PDE1A: variants seen among roughly 807,000 people sequenced by gnomAD.
PDE1A encodes phosphodiesterase 1A.
PDE1A carries 35 observed loss-of-function variants against 61.7 expected under a neutral mutation model. That is an observed-to-expected ratio of 0.57 (90% confidence interval 0.43 to 0.75). The LOEUF (loss-of-function observed/expected upper bound fraction) is 0.75, where lower values mean the gene tolerates loss of function less well. Ranked by LOEUF, PDE1A falls within the 30% of genes least tolerant of loss-of-function variation. The pLI, the probability that PDE1A is intolerant of heterozygous loss-of-function variation, is 0.00. For missense variants in PDE1A, 597 were observed against 630.6 expected, an observed-to-expected ratio of 0.95 and a Z score of 0.57; for synonymous variants, 232 against 213.2, an observed-to-expected ratio of 1.09 and a Z score of -0.77.
At chr2:182,623,351 T>C in the PDE1A span, among the ~76,000 whole-genome samples, 1 of 152,154 alleles carries the variant, frequency 6.6e-6, no homozygotes, top group Non-Finnish European at 1.5e-5. Context: ...CTGTGTTCCA[T>C]TTCAGGCACA....
chr2:182,666,039 G>A, the PDE1A span, among the ~76,000 whole-genome samples: 2 of 152,078 alleles, frequency 1.3e-5, no homozygotes, highest in African/African-American at 4.8e-5. Flanking sequence ...ACACAGGGAG[G>A]TGAACAACAT....
the PDE1A span, among the ~76,000 whole-genome samples, chr2:182,695,315 T>C: frequency 1.3e-5 from 2 of 151,872 alleles, no homozygotes; most frequent in Admixed American, 1.3e-4. Context: ...CCAGAAAACA[T>C]CAAGCAGAAA....
the PDE1A span, among the ~76,000 whole-genome samples, chr2:182,611,313 A>G: frequency 6.6e-6 from 1 of 152,214 alleles, no homozygotes; most frequent in Non-Finnish European, 1.5e-5. Flanking sequence ...GGAAAAATGG[A>G]CTTCAAAATA....
chr2:182,166,125 G>A (rs1293875848), downstream of PDE1A, among the ~76,000 whole-genome samples: 6 of 152,128 alleles, frequency 3.9e-5, no homozygotes, highest in Non-Finnish European at 7.4e-5. Flanking sequence ...CTGGCAAGGG[G>A]TAGACTTGTG....
chr2:182,248,824 T>G (rs1691181735), intron 2 of PDE1A, among the ~76,000 whole-genome samples: 1 of 152,224 alleles, frequency 6.6e-6, no homozygotes, highest in Non-Finnish European at 1.5e-5. Flanking sequence ...TTCTCAAGTT[T>G]GAAATGTTCC....
At chr2:182,181,523 G>A (rs1684758936) in intron 13 of PDE1A, among the ~76,000 whole-genome samples, 2 of 152,226 alleles carry the variant, frequency 1.3e-5, no homozygotes, top group African/African-American at 4.8e-5. Flanking sequence ...TCCCAGTCAA[G>A]AGGCGCAAAG....
the PDE1A span, among the ~76,000 whole-genome samples, chr2:182,596,829 A>G: frequency 6.6e-6 from 1 of 152,184 alleles, no homozygotes. Flanking sequence ...AGAAGCAATG[A>G]GGTGTGAAGA....
the PDE1A span, among the ~76,000 whole-genome samples, chr2:182,665,107 G>A: frequency 6.6e-6 from 1 of 151,966 alleles, no homozygotes; most frequent in African/African-American, 2.4e-5. Flanking sequence ...ATAGACAATT[G>A]ATAAAATACT....
At chr2:182,463,901 G>A (rs533684803) in intron 2 of PDE1A, among the ~76,000 whole-genome samples, 83 of 152,232 alleles carry the variant, frequency 5.5e-4, no homozygotes, top group African/African-American at 1.9e-3. Context: ...ACACTTCTAG[G>A]AGCCCATGGT....
intron 1 of PDE1A, among the ~76,000 whole-genome samples, chr2:182,326,200 T>C (rs548375358): frequency 1.6e-4 from 24 of 152,208 alleles, no homozygotes; most frequent in African/African-American, 5.8e-4. Flanking sequence ...GGTGAGAATA[T>C]AAAATGGTGG....
the PDE1A span, among the ~76,000 whole-genome samples, chr2:182,674,828 T>C: frequency 6.6e-6 from 1 of 152,170 alleles, no homozygotes; most frequent in African/African-American, 2.4e-5. Flanking sequence ...ATTTTATTAA[T>C]GTGCATAATA....
intron 1 of PDE1A, among the ~76,000 whole-genome samples, chr2:182,279,287 A>G (rs758837310): frequency 2.6e-5 from 4 of 151,906 alleles, no homozygotes. Context: ...CTAAATTATC[A>G]TGATGTACAG....
the PDE1A span, among the ~76,000 whole-genome samples, chr2:182,567,674 T>C: frequency 1.3e-5 from 2 of 152,190 alleles, no homozygotes; most frequent in Admixed American, 6.5e-5. Flanking sequence ...ATAATATTCA[T>C]TTTGATTTTT....
the PDE1A span, among the ~76,000 whole-genome samples, chr2:182,543,378 C>T: frequency 6.6e-6 from 1 of 152,158 alleles, no homozygotes; most frequent in Non-Finnish European, 1.5e-5. Context: ...TTATAAGCCA[C>T]TACAACTTGC....
At chr2:182,531,196 G>A in the PDE1A span, among the ~76,000 whole-genome samples, 8 of 151,504 alleles carry the variant, frequency 5.3e-5, no homozygotes, top group African/African-American at 1.4e-4. Flanking sequence ...TCAAGTAACC[G>A]ATAGGAAGAC....
At chr2:182,402,227 A>T (rs934482457) in intron 1 of PDE1A, among the ~76,000 whole-genome samples, 5 of 152,216 alleles carry the variant, frequency 3.3e-5, no homozygotes, top group Middle Eastern at 3.2e-3. Context: ...GACAATACTA[A>T]GCAAAAAGAA....
chr2:182,673,838 T>C, the PDE1A span, among the ~76,000 whole-genome samples: 1 of 151,696 alleles, frequency 6.6e-6, no homozygotes, highest in Non-Finnish European at 1.5e-5. Flanking sequence ...TTCTTGCTTA[T>C]ACAAATCAGC....
the PDE1A span, among the ~76,000 whole-genome samples, chr2:182,601,520 T>C: frequency 6.6e-6 from 1 of 152,222 alleles, no homozygotes; most frequent in Admixed American, 6.5e-5. Context: ...ACAGATCTTC[T>C]AGACTTGCCA....
the PDE1A span, among the ~76,000 whole-genome samples, chr2:182,562,500 A>G: frequency 1.3e-5 from 2 of 151,560 alleles, no homozygotes; most frequent in Admixed American, 6.6e-5. Flanking sequence ...CATCAAGGAT[A>G]TTGGTCTAAA....
Sources: gnomAD v4.1 joint callset for allele counts (sites outside exome capture counted in the v4.1 genomes callset) on GRCh38, gnomAD v4.1.1 for gene constraint, MANE v1.5 for transcripts, NCBI Gene and HGNC (gene_info 2026-07-23, HGNC 2026-07-21) for gene names.